Variants in LAMP3 observed in about 807,000 individuals in gnomAD.
The protein encoded by LAMP3 is lysosome-associated membrane glycoprotein 3.
LAMP3 carries 26 observed loss-of-function variants against 34.8 expected under a neutral mutation model. That is an observed-to-expected ratio of 0.75 (90% CI 0.55 to 1.04). The LOEUF is 1.04. Ranked by LOEUF, LAMP3 falls within the 50% of genes least tolerant of loss-of-function variation. The pLI is 0.00. For missense variants in LAMP3, 495 were observed against 524.0 expected, an observed-to-expected ratio of 0.94 and a Z score of 0.54; for synonymous variants, 180 against 201.9, an observed-to-expected ratio of 0.89 and a Z score of 0.92.
At chr3:183,156,609 A>G (rs1720829624) in intron 1 of LAMP3, among the ~76,000 whole-genome samples, 1 of 152,150 alleles carries the variant, frequency 6.6e-6, no homozygotes, top group Non-Finnish European at 1.5e-5. Flanking sequence ...ATCTCCCTCC[A>G]CCATTCAATA....
chr3:183,129,833 C>T lies in LAMP3; in HGVS notation c.1118-5619G>A, dbSNP rs144346647. 2.5e-4 allele frequency among the ~76,000 whole-genome samples: 38 copies of T among 152,294 alleles called. No homozygotes were observed. The East Asian group carries it at 5.4e-3, about 22-fold the overall frequency. Reference sequence around the variant, plus strand: ...GGTGAAGCCCTAACTTCCAGGACCACAGAACATGTATTAGGACACAGGGTC... The same window carrying T: ...GGTGAAGCCCTAACTTCCAGGACCATAGAACATGTATTAGGACACAGGGTC... On this transcript the variant is annotated intron_variant, in intron 5 of 5. Transcript: ENST00000265598.
At chr3:183,163,400 C>T (rs142911933), upstream of LAMP3, among the ~76,000 whole-genome samples, 3,021 of 151,154 alleles carry the variant, frequency 0.02, 122 homozygotes, top group African/African-American at 0.069. Flanking sequence ...AAGCGATTCT[C>T]CTGCCGCAGC....
At chr3:183,129,223 G>A (rs972957044) in intron 5 of LAMP3, among the ~76,000 whole-genome samples, 45 of 152,242 alleles carry the variant, frequency 3.0e-4, no homozygotes, top group African/African-American at 1.0e-3. Context: ...AAGGCCTAAA[G>A]ACTTCTTCAT....
intron 2 of LAMP3, 26 bp downstream of exon 2, chr3:183,153,656 G>T: frequency 6.8e-7 from 1 of 1,463,176 alleles, no homozygotes; most frequent in Non-Finnish European, 9.2e-7. Flanking sequence ...TGAAGATAGT[G>T]TTATAGTCCT....
chr3:183,136,660 A>AAG (rs1452219823), intron 4 of LAMP3, among the ~76,000 whole-genome samples: 1 of 144,800 alleles, frequency 6.9e-6, no homozygotes, highest in African/African-American at 2.8e-5. Context: ...TCAGAAAAAA[A>AAG]AAAAAAAAAA....
chr3:183,157,740 C>T (rs1024449110), intron 1 of LAMP3, among the ~76,000 whole-genome samples: 10 of 146,708 alleles, frequency 6.8e-5, no homozygotes, highest in African/African-American at 2.7e-4. Context: ...CAGTAGTGCA[C>T]CCTTAAAAAA....
At position 183,153,797 on chromosome 3, in the gene LAMP3, G is replaced by A; in HGVS notation, c.644C>T (p.Thr215Ile). The change falls in exon 2 of 6, where the codon ACC becomes ATC. Residue 215 changes from threonine (T) to isoleucine (I), a missense_variant. Transcript: ENST00000265598. Reference protein sequence around the residue: ...AAPASTVPGPTLAPQPSSVKT... With the variant: ...AAPASTVPGPILAPQPSSVKT... The stretch of plus-strand genomic sequence containing the variant: ...GACTGACGATGGCTGAGGTGCAAGG[G>A]TGGGCCCAGGAACCGTGGAGGCAGG... 1.3e-6 allele frequency: 2 copies of A among 1,590,302 alleles called. No homozygotes were observed.
At chr3:183,144,298 G>T (rs1281025216) in intron 3 of LAMP3, among the ~76,000 whole-genome samples, 1 of 152,186 alleles carries the variant, frequency 6.6e-6, no homozygotes, top group African/African-American at 2.4e-5. Context: ...CGAAGTCGGG[G>T]TGAGCACTAG....
intron 3 of LAMP3, among the ~76,000 whole-genome samples, chr3:183,140,873 C>T (rs979096036): frequency 3.3e-5 from 5 of 152,162 alleles, no homozygotes; most frequent in Admixed American, 1.3e-4. Context: ...CAATTTGAGT[C>T]CCTTCGGTTG....
At chr3:183,160,318 A>G (rs1306440689) in intron 1 of LAMP3, among the ~76,000 whole-genome samples, 1 of 152,192 alleles carries the variant, frequency 6.6e-6, no homozygotes, top group Non-Finnish European at 1.5e-5. Context: ...TTCCAATTCA[A>G]CAAGGATTTC....
chr3:183,138,037 G>A (rs1266702590), intron 4 of LAMP3, among the ~76,000 whole-genome samples: 1 of 151,968 alleles, frequency 6.6e-6, no homozygotes, highest in Non-Finnish European at 1.5e-5. Flanking sequence ...TGGCCAGGCT[G>A]GTCTTGAATC....
chr3:183,148,454 G>T (rs533504365), intron 3 of LAMP3, among the ~76,000 whole-genome samples: 13 of 151,934 alleles, frequency 8.6e-5, no homozygotes, highest in Middle Eastern at 3.2e-3. Context: ...CATAGAAGAA[G>T]CTCAAACAAC....
At chr3:183,146,437 C>A (rs1184907015) in intron 3 of LAMP3, among the ~76,000 whole-genome samples, 1 of 152,112 alleles carries the variant, frequency 6.6e-6, no homozygotes, top group East Asian at 1.9e-4. Context: ...TACAATACAC[C>A]CATTAGGGCA....
At chr3:183,134,638 C>T (rs78542677) in intron 5 of LAMP3, among the ~76,000 whole-genome samples, 3,022 of 151,944 alleles carry the variant, frequency 0.02, 101 homozygotes, top group African/African-American at 0.07. Context: ...TGTGGGACTC[C>T]GACAAAGCCT....
intron 1 of LAMP3, among the ~76,000 whole-genome samples, chr3:183,158,734 T>C (rs997946358): frequency 1.2e-4 from 19 of 152,086 alleles, no homozygotes; most frequent in Admixed American, 7.2e-4. Flanking sequence ...CAGCCTTTGG[T>C]TGGTTTCCCT....
chr3:183,151,871 G>A (rs1196986511), intron 3 of LAMP3, among the ~76,000 whole-genome samples: 1 of 152,158 alleles, frequency 6.6e-6, no homozygotes, highest in Non-Finnish European at 1.5e-5. Context: ...CTCTGACCTC[G>A]ATCTATGACT....
intron 3 of LAMP3, among the ~76,000 whole-genome samples, chr3:183,144,031 CT>C (rs1217556312): frequency 6.6e-6 from 1 of 152,182 alleles, no homozygotes; most frequent in Non-Finnish European, 1.5e-5. Flanking sequence ...TAAGGTCCCC[CT>C]GTCCACTTCT....
chr3:183,123,812 C>T lies in LAMP3; in HGVS notation c.*269G>A, dbSNP rs1484627416. 1 of 405,416 alleles carries T rather than the reference C, an allele frequency of 2.5e-6. No individual in the cohort carries two copies. The highest frequency in any genetic ancestry group is 4.5e-6 in the Non-Finnish European group (1 of 223,808). The allele number at this position is 405,416 out of a possible 1,614,324, so 25.1% of individuals were successfully genotyped here. A position where few individuals can be genotyped will look rare whatever the true frequency, so the allele number is the denominator to read the frequency against. Reference sequence around the variant, plus strand: ...CATATATTATGTTAATTCAACATATCTCAAATGTTGACTTTGAGTGGCTAA... The same window carrying T: ...CATATATTATGTTAATTCAACATATTTCAAATGTTGACTTTGAGTGGCTAA... On this transcript the variant is annotated 3_prime_UTR_variant, in exon 6 of 6. Transcript: ENST00000265598.
At chr3:183,152,219 T>C (rs975728971) in intron 3 of LAMP3, among the ~76,000 whole-genome samples, 156 bp downstream of exon 3, 1 of 152,102 alleles carries the variant, frequency 6.6e-6, no homozygotes, top group African/African-American at 2.4e-5. Flanking sequence ...AAGACAAACA[T>C]AAGATGTTGA....
Sources: gnomAD v4.1 joint callset for allele counts (sites outside exome capture counted in the v4.1 genomes callset) on GRCh38, gnomAD v4.1.1 for gene constraint, MANE v1.5 for transcripts, NCBI Gene and HGNC (gene_info 2026-07-23, HGNC 2026-07-21) for gene names.